Variants in CTNND2 observed in about 807,000 individuals in gnomAD.
CTNND2 encodes the protein catenin delta-2.
A neutral mutation model predicts 144.4 loss-of-function variants in CTNND2; 22 were observed. The observed-to-expected ratio is 0.15, with a 90% CI of 0.11 to 0.22. The LOEUF (loss-of-function observed/expected upper bound fraction) is 0.22, where lower values mean the gene tolerates loss of function less well. CTNND2 is among the 10% of genes least tolerant of loss of function. The pLI is 1.00. For missense variants in CTNND2, 1,353 were observed against 1,618.8 expected (o/e 0.84, Z 2.82); for synonymous variants, 751 against 695.6 (o/e 1.08, Z -1.25).
chr5:11,730,126 T>G (rs1422135545), intron 2 of CTNND2, among the ~76,000 whole-genome samples: 2 of 152,164 alleles, frequency 1.3e-5, no homozygotes, highest in Non-Finnish European at 1.5e-5. Flanking sequence ...TCTTTGCTAT[T>G]TTGAGTTGTG....
chr5:11,612,643 T>C (rs1353654024), intron 2 of CTNND2, among the ~76,000 whole-genome samples: 3 of 152,210 alleles, frequency 2.0e-5, no homozygotes, highest in East Asian at 3.9e-4. Context: ...CTCATGCCTA[T>C]AATTCCAGCA....
chr5:11,017,090 T>A (rs1187701614), intron 18 of CTNND2, among the ~76,000 whole-genome samples: 1 of 151,940 alleles, frequency 6.6e-6, no homozygotes, highest in African/African-American at 2.4e-5. Context: ...TACCCCTATT[T>A]GTTAACTCGA....
intron 3 of CTNND2, among the ~76,000 whole-genome samples, chr5:11,446,861 G>A (rs1764852139): frequency 6.6e-6 from 1 of 152,108 alleles, no homozygotes; most frequent in South Asian, 2.1e-4. Flanking sequence ...GTTGGTCACA[G>A]CACTAGGAGC....
rs1196465428 is a variant in CTNND2, at chr5:11,385,056, C to A, written c.786G>T (p.Pro262=). The part of the protein sequence containing the change: ...LYYSSSTLPA[P]PRGGSPLAAP... ...CGGCCAGCGGGGAGCCCCCGCGCGG[C>A]GGCGCGGGCAGCGTGGAGCTGGAGT... The change falls in exon 7 of 22, where the codon CCG becomes CCT. Residue 262 remains proline (P), a synonymous_variant. Coordinates refer to ENST00000304623, the MANE Select transcript of CTNND2 (RefSeq NM_001332.4). 45 of 1,106,514 alleles carry A rather than the reference C, an allele frequency of 4.1e-5. No homozygotes were observed. The highest frequency in any genetic ancestry group is 4.6e-5 in the Non-Finnish European group (42 of 913,714). 68.5% of individuals were successfully genotyped at this position (1,106,514 alleles called of 1,614,324 possible).
At chr5:11,693,922 T>C (rs1340836988) in intron 2 of CTNND2, among the ~76,000 whole-genome samples, 2 of 152,260 alleles carry the variant, frequency 1.3e-5, no homozygotes, top group Non-Finnish European at 2.9e-5. Flanking sequence ...TCTTGTTTTA[T>C]GGATGTTTCT....
chr5:11,009,448 G>A (rs1361859503), intron 18 of CTNND2, among the ~76,000 whole-genome samples: 1 of 152,232 alleles, frequency 6.6e-6, no homozygotes, highest in East Asian at 1.9e-4. Context: ...TGATCACGCT[G>A]TCTCTCAAGC....
intron 1 of CTNND2, among the ~76,000 whole-genome samples, chr5:11,782,459 C>T (rs1338556890): frequency 6.6e-6 from 1 of 152,102 alleles, no homozygotes; most frequent in Non-Finnish European, 1.5e-5. Flanking sequence ...CTCATGAGGG[C>T]AATAAAGGTC....
intron 2 of CTNND2, among the ~76,000 whole-genome samples, chr5:11,645,769 T>C (rs944292769): frequency 6.6e-6 from 1 of 152,134 alleles, no homozygotes; most frequent in Non-Finnish European, 1.5e-5. Flanking sequence ...TATCATAAAA[T>C]GCTTAGGAAA....
chr5:11,272,225 T>C (rs1746100338), intron 9 of CTNND2, among the ~76,000 whole-genome samples: 1 of 152,180 alleles, frequency 6.6e-6, no homozygotes, highest in African/African-American at 2.4e-5. Context: ...TTCTGTCCTT[T>C]CTTCATCTGA....
chr5:11,243,154 A>G (rs938252483), intron 9 of CTNND2, among the ~76,000 whole-genome samples: 1 of 152,264 alleles, frequency 6.6e-6, no homozygotes, highest in African/African-American at 2.4e-5. Flanking sequence ...TGCTTCAGCT[A>G]GCAGTACAAT....
At chr5:11,313,120 C>T (rs32118) in intron 9 of CTNND2, among the ~76,000 whole-genome samples, 112,974 of 152,078 alleles carry the variant, frequency 0.74, 43,093 homozygotes, top group Middle Eastern at 0.9. Flanking sequence ...GACACTTTCC[C>T]TCAACCCCTT....
At chr5:11,556,539 A>G (rs1475435181) in intron 3 of CTNND2, among the ~76,000 whole-genome samples, 1 of 152,144 alleles carries the variant, frequency 6.6e-6, no homozygotes. Context: ...ACTGTTAACT[A>G]TTAATATATT....
rs374099920 is a variant in CTNND2, at chr5:11,708,294, A to G, written c.174+23842T>C. On this transcript the variant is annotated intron_variant, in intron 2 of 21. Transcript: ENST00000304623. ...CATTGCAGAGTAATAAATTGTATTT[A>G]ATTTTTACTATAATATATAATGTGC... Among the ~76,000 whole-genome samples the G allele has an allele frequency of 1.7e-3, 260 of 152,294 alleles. 8 individuals are homozygous for G. The South Asian group carries it at 0.05, about 29-fold the overall frequency.
intron 3 of CTNND2, among the ~76,000 whole-genome samples, chr5:11,443,187 G>T (rs973861090): frequency 4.8e-5 from 7 of 146,636 alleles, no homozygotes; most frequent in Non-Finnish European, 9.1e-5. Context: ...GTGGTGTGTG[G>T]TGTGTGTGTG....
intron 10 of CTNND2, among the ~76,000 whole-genome samples, chr5:11,209,656 C>T (rs183744602): frequency 3.3e-4 from 51 of 152,306 alleles, no homozygotes; most frequent in African/African-American, 1.2e-3. Flanking sequence ...TAAGATACTG[C>T]TTCAGCTTTA....
At chr5:11,574,777 T>C (rs768405575) in intron 2 of CTNND2, among the ~76,000 whole-genome samples, 16 of 152,126 alleles carry the variant, frequency 1.1e-4, no homozygotes, top group South Asian at 8.3e-4. Context: ...ACCAACATCT[T>C]TGCCTATACT....
At chr5:10,996,393 T>C (rs915075677) in intron 18 of CTNND2, among the ~76,000 whole-genome samples, 4 of 133,910 alleles carry the variant, frequency 3.0e-5, no homozygotes, top group African/African-American at 1.1e-4. Context: ...GAGATCCTTC[T>C]CAAAAGAGCA....
intron 2 of CTNND2, among the ~76,000 whole-genome samples, chr5:11,604,948 G>T (rs1779975918): frequency 6.6e-6 from 1 of 152,166 alleles, no homozygotes; most frequent in South Asian, 2.1e-4. Context: ...TACAAGTTTG[G>T]TATGTTGCAG....
chr5:11,828,680 C>A (rs1244162355), intron 1 of CTNND2, among the ~76,000 whole-genome samples: 1 of 152,144 alleles, frequency 6.6e-6, no homozygotes, highest in Non-Finnish European at 1.5e-5. Context: ...TCCATTAAAC[C>A]TTTTTCTTGC....
Sources: allele counts gnomAD v4.1 joint callset (sites outside exome capture counted in the v4.1 genomes callset), GRCh38; gene constraint gnomAD v4.1.1; transcripts MANE v1.5; gene names NCBI Gene and HGNC (gene_info 2026-07-23, HGNC 2026-07-21).